The following DHRSX variants were observed in gnomAD, a reference collection of about 807,000 sequenced individuals.
DHRSX encodes polyprenol dehydrogenase.
A neutral mutation model predicts 34.0 loss-of-function variants in DHRSX; 31 were observed. The observed-to-expected ratio is 0.91, with a 90% CI of 0.69 to 1.23. DHRSX has a LOEUF of 1.23. DHRSX is among the 50% of genes most tolerant of loss of function. The pLI is 0.00. For missense variants in DHRSX, 414 were observed against 428.1 expected (o/e 0.97, Z 0.29); for synonymous variants, 201 against 183.8 (o/e 1.09, Z -0.76).
At chrX:2,221,251 G>A (rs1228698803) in intron 6 of DHRSX, 22 bp from the exon 7 acceptor site, 21 of 1,605,034 alleles carry the variant, frequency 1.3e-5, no homozygotes, top group South Asian at 2.2e-5. Context: ...AGAAAAGAAG[G>A]CTACGATGAG....
intron 3 of DHRSX, among the ~76,000 whole-genome samples, chrX:2,319,722 AG>A (rs1195127262): frequency 6.6e-6 from 1 of 152,064 alleles, no homozygotes; most frequent in African/African-American, 2.4e-5. Context: ...TCCGGTCAAG[AG>A]TACACTACCA....
intron 3 of DHRSX, among the ~76,000 whole-genome samples, chrX:2,331,361 C>A (rs774920961): frequency 6.8e-6 from 1 of 147,590 alleles, no homozygotes; most frequent in South Asian, 2.2e-4. Context: ...ATGTGGATAT[C>A]TTAACTTCCT....
chrX:2,364,322 C>G (rs956453316), intron 3 of DHRSX, among the ~76,000 whole-genome samples: 3 of 152,128 alleles, frequency 2.0e-5, no homozygotes, highest in African/African-American at 7.2e-5. Flanking sequence ...ACATCCATGT[C>G]AAGTGGGTGG....
At chrX:2,305,379 T>C (rs925639071) in intron 3 of DHRSX, among the ~76,000 whole-genome samples, 10 of 152,304 alleles carry the variant, frequency 6.6e-5, no homozygotes, top group African/African-American at 2.4e-4. Flanking sequence ...GGAATGCTTT[T>C]ACACTGTTGG....
intron 1 of DHRSX, among the ~76,000 whole-genome samples, chrX:2,450,863 G>C (rs1222138573): frequency 1.3e-5 from 2 of 152,156 alleles, no homozygotes; most frequent in African/African-American, 4.8e-5. Flanking sequence ...GGAGTCAGGA[G>C]GTGGGAGACT....
chrX:2,489,260 G>A, intron 1 of DHRSX: 3 of 1,613,962 alleles, frequency 1.9e-6, no homozygotes, highest in Non-Finnish European at 2.5e-6. Flanking sequence ...CCGCTCGAAG[G>A]CGGAGAGGAA....
intron 3 of DHRSX, among the ~76,000 whole-genome samples, chrX:2,383,060 C>T (rs1170734874): frequency 6.6e-6 from 1 of 151,288 alleles, no homozygotes; most frequent in African/African-American, 2.4e-5. Flanking sequence ...TCATCACCAC[C>T]ATCACCATCA....
chrX:2,271,534 AACTT>A (rs1171115537), intron 4 of DHRSX, among the ~76,000 whole-genome samples: 1 of 152,224 alleles, frequency 6.6e-6, no homozygotes, highest in Non-Finnish European at 1.5e-5. Context: ...CTTTCAAAAA[AACTT>A]CCAGGATACA....
intron 3 of DHRSX, among the ~76,000 whole-genome samples, chrX:2,327,048 G>C (rs2042395608): frequency 1.3e-5 from 2 of 152,202 alleles, no homozygotes; most frequent in African/African-American, 2.4e-5. Flanking sequence ...CCTGACCTCA[G>C]GTGATCCACC....
chrX:2,399,659 T>G (rs2043459616), intron 3 of DHRSX, among the ~76,000 whole-genome samples: 1 of 140,450 alleles, frequency 7.1e-6, no homozygotes, highest in Admixed American at 7.9e-5. Flanking sequence ...TGAGCCAAGA[T>G]CGCACCACTG....
chrX:2,336,114 T>A (rs2042558144), intron 3 of DHRSX, among the ~76,000 whole-genome samples: 1 of 151,394 alleles, frequency 6.6e-6, no homozygotes, highest in East Asian at 2.0e-4. Flanking sequence ...TTCAAGCCAT[T>A]CTCCTGCCTC....
intron 3 of DHRSX, among the ~76,000 whole-genome samples, chrX:2,342,141 A>G (rs1369924753): frequency 6.6e-6 from 1 of 152,144 alleles, no homozygotes; most frequent in Non-Finnish European, 1.5e-5. Context: ...GTGAAGGTTC[A>G]GTAAGAGCTT....
intron 3 of DHRSX, among the ~76,000 whole-genome samples, chrX:2,317,295 A>C (rs1951671240): frequency 8.2e-6 from 1 of 121,664 alleles, no homozygotes. Context: ...TGTGTGGCCC[A>C]GGCTAGAGTG....
chrX:2,233,201 G>T (rs1314550215), intron 6 of DHRSX, among the ~76,000 whole-genome samples: 1 of 152,160 alleles, frequency 6.6e-6, no homozygotes, highest in Non-Finnish European at 1.5e-5. Context: ...ATCTGCCGCT[G>T]TGCAGCTGTG....
At chrX:2,353,195 G>C (rs1447806000) in intron 3 of DHRSX, among the ~76,000 whole-genome samples, 1 of 152,160 alleles carries the variant, frequency 6.6e-6, no homozygotes, top group East Asian at 1.9e-4. Flanking sequence ...AGTGAGCCAA[G>C]ACTGCACTAT....
At chrX:2,390,956 T>C in intron 3 of DHRSX, among the ~76,000 whole-genome samples, 2 of 152,342 alleles carry the variant, frequency 1.3e-5, no homozygotes, top group Middle Eastern at 6.8e-3. Flanking sequence ...TCCTCAAGGT[T>C]AGCCCACATC....
chrX:2,470,196 C>T (rs377162131), intron 1 of DHRSX, among the ~76,000 whole-genome samples: 12,628 of 109,256 alleles, frequency 0.12, 2 homozygotes, highest in South Asian at 0.19. Context: ...AAAAGCTGAA[C>T]GCATAAACGC....
chrX:2,468,526 T>C (rs186359247), intron 1 of DHRSX, among the ~76,000 whole-genome samples: 6,770 of 151,316 alleles, frequency 0.045, 250 homozygotes, highest in South Asian at 0.15. Context: ...GGACCGCCAC[T>C]GTGTATGCAC....
At chrX:2,265,919 C>T (rs767963257) in intron 5 of DHRSX, among the ~76,000 whole-genome samples, 15 of 110,760 alleles carry the variant, frequency 1.4e-4, no homozygotes, top group South Asian at 3.4e-4. Context: ...AGCACCAGTG[C>T]TCGGCAGATG....
Sources: gnomAD v4.1 joint callset for allele counts (sites outside exome capture counted in the v4.1 genomes callset) on GRCh38, gnomAD v4.1.1 for gene constraint, MANE v1.5 for transcripts, NCBI Gene and HGNC (gene_info 2026-07-23, HGNC 2026-07-21) for gene names.